The following RASGRP1 variants were observed in gnomAD, a reference collection of about 807,000 sequenced individuals.
The protein encoded by RASGRP1 is RAS guanyl-releasing protein 1.
RASGRP1 carries 37 observed loss-of-function variants against 95.1 expected under a neutral mutation model. That is an observed-to-expected ratio of 0.39 (90% confidence interval 0.30 to 0.51). RASGRP1 has a LOEUF of 0.51. Among genes scored for constraint, RASGRP1 ranks in the 20% least tolerant of loss-of-function variants. RASGRP1 has a pLI of 0.80. For synonymous variants in RASGRP1, 325 were observed against 353.4 expected (o/e 0.92, Z 0.90); for missense variants, 711 against 965.4 (o/e 0.74, Z 3.49).
intron 12 of RASGRP1, 63 bp downstream of exon 12, chr15:38,502,249 T>C (rs1037520826): frequency 8.6e-7 from 1 of 1,168,482 alleles, no homozygotes; most frequent in Non-Finnish European, 1.2e-6. Context: ...TCTAGTGACA[T>C]ACCTATAAAC....
At chr15:38,516,784 A>G (rs1422184895) in intron 5 of RASGRP1, among the ~76,000 whole-genome samples, 4 of 152,048 alleles carry the variant, frequency 2.6e-5, no homozygotes, top group Non-Finnish European at 5.9e-5. Context: ...AACAGTTTTC[A>G]TGCCAGAAAG....
rs1390497343 is a variant in RASGRP1 at position 38,559,989 on chromosome 15, A to G, written c.52T>C (p.Cys18Arg). Residue 18 changes from cysteine (C) to arginine (R), a missense_variant, in exon 2 of 17, where the codon TGC (cysteine) becomes CGC (arginine). Cys to Arg is a radical substitution (Grantham distance 180). Around this residue, in one of 3 missense-constraint regions of RASGRP1, gnomAD observed 491 missense variants for 676.6 expected, o/e 0.73. Transcript: ENST00000310803. ...REAPRKPSHG[C>R]RAASKARLEA... ...AGTCTTGCTTTAGAGGCAGCTCTGC[A>G]GCCATGGGAAGGTTTCCTGGGGAAA... is the stretch of plus-strand genomic sequence containing the variant. 1 of 1,611,994 alleles carries G rather than the reference A, an allele frequency of 6.2e-7. No individual in the cohort carries two copies. The highest frequency in any genetic ancestry group is 1.7e-5 in the Admixed American group (1 of 59,768).
At chr15:38,513,480 T>C (rs552000497) in intron 6 of RASGRP1, among the ~76,000 whole-genome samples, 5 of 152,196 alleles carry the variant, frequency 3.3e-5, no homozygotes, top group Admixed American at 2.6e-4. Flanking sequence ...GTGTTACATA[T>C]ATGTAAGGTT....
intron 3 of RASGRP1, chr15:38,523,920 C>CA (rs1224010191): frequency 6.6e-6 from 1 of 152,364 alleles, no homozygotes; most frequent in Non-Finnish European, 1.5e-5. Flanking sequence ...CACACAATGA[C>CA]AGAGTCGCCC....
chr15:38,513,488 G>A (rs1006647819), intron 6 of RASGRP1, among the ~76,000 whole-genome samples: 2 of 152,164 alleles, frequency 1.3e-5, no homozygotes, highest in African/African-American at 4.8e-5. Flanking sequence ...TATATGTAAG[G>A]TTGCGCTAAT....
chr15:38,500,211 T>A, intron 13 of RASGRP1, 72 bp from the exon 14 acceptor site: 1 of 1,497,718 alleles, frequency 6.7e-7, no homozygotes. Context: ...GTGACATTCC[T>A]TTATTTTCCT....
rs1225719348 is a variant in RASGRP1, at chr15:38,518,426, A to G, written c.390-3T>C. ...CCCAGAATTCTGTTATCCAATACCT[A>G]CAAGGAGGGGGTTAAAAAACACAAT... is the stretch of plus-strand genomic sequence containing the variant. On this transcript the variant is annotated splice_region_variant and splice_polypyrimidine_tract_variant and intron_variant, in intron 4 of 16. Coordinates refer to ENST00000310803, the MANE Select transcript of RASGRP1 (RefSeq NM_005739.4). 5.0e-6 allele frequency: 8 copies of G among 1,599,290 alleles called. No homozygotes were observed. The Admixed American group carries it at 6.9e-5, about 14-fold the overall frequency.
At chr15:38,510,994 A>G (rs561855703) in intron 8 of RASGRP1, among the ~76,000 whole-genome samples, 1 of 152,338 alleles carries the variant, frequency 6.6e-6, no homozygotes, top group African/African-American at 2.4e-5. Flanking sequence ...AAACAGCCCT[A>G]TGTCATAAAA....
rs780811883 is a variant in RASGRP1 at position 38,513,007 on chromosome 15, C to G, written c.676-51G>C. On this transcript the variant is annotated intron_variant, in intron 6 of 16. Coordinates refer to ENST00000310803, the MANE Select transcript of RASGRP1 (RefSeq NM_005739.4). ...AAAAAAAACCTATCAGTACTGTACTCTGGTATTCCAGAAGATTTAAGGGAC... is the reference window on the plus strand; with the variant it reads ...AAAAAAAACCTATCAGTACTGTACTGTGGTATTCCAGAAGATTTAAGGGAC... 126 of 1,410,194 alleles carry G rather than the reference C, an allele frequency of 8.9e-5. No homozygotes were observed. The Admixed American group carries it at 2.3e-3, about 26-fold the overall frequency. The allele number at this position is 1,410,194 out of a possible 1,614,324, so 87.4% of individuals were successfully genotyped here.
chr15:38,516,138 T>C (rs1201735412), intron 6 of RASGRP1, 59 bp downstream of exon 6: 2 of 1,511,666 alleles, frequency 1.3e-6, no homozygotes, highest in African/African-American at 2.8e-5. Context: ...TGTTGAATTA[T>C]CATCTTATTT....
chr15:38,506,495 C>T (rs780770847), intron 9 of RASGRP1, among the ~76,000 whole-genome samples: 23 of 151,940 alleles, frequency 1.5e-4, no homozygotes, highest in Non-Finnish European at 2.8e-4. Flanking sequence ...GTTAACCGGG[C>T]GTGGTGGCGT....
In RASGRP1 at chr15:38,539,548, GTTT is replaced by G. The variant is rs5812044; in HGVS notation, c.221-13147_221-13145del. Reference sequence around the variant, plus strand: ...ATATCTACCACAGTCCTGCATTGCCGTTTTTTTTTTTGTTTTTATTTATTTATT... The same window carrying G: ...ATATCTACCACAGTCCTGCATTGCCGTTTTTTTTGTTTTTATTTATTTATT... On this transcript the variant is annotated intron_variant, in intron 2 of 16. Coordinates refer to ENST00000310803, the MANE Select transcript of RASGRP1 (RefSeq NM_005739.4). 2.9e-3 allele frequency among the ~76,000 whole-genome samples: 432 copies of G among 148,568 alleles called. 6 individuals carry two copies. The highest frequency in any genetic ancestry group is 0.01 in the African/African-American group (415 of 40,788).
rs1891066391 is a variant in RASGRP1 at position 38,502,351 on chromosome 15, G to A, written c.1499C>T (p.Ala500Val). Residue 500 changes from alanine to valine, a missense_variant, in exon 12 of 17, where the codon GCG becomes GTG. Transcript: ENST00000310803. ...ISQEEFEKIA[A>V]SFPFSFCVMD... The stretch of plus-strand genomic sequence containing the variant: ...CACACAGAAGGAAAATGGAAAACTC[G>A]CAGCAATCTTTTCAAATTCTTCCTG... 3 of 1,603,734 alleles carry A rather than the reference G, an allele frequency of 1.9e-6. No individual in the cohort carries two copies. The highest frequency in any genetic ancestry group is 2.6e-6 in the Non-Finnish European group (3 of 1,170,764).
At chr15:38,535,098 T>C (rs992255805) in intron 2 of RASGRP1, among the ~76,000 whole-genome samples, 1 of 152,128 alleles carries the variant, frequency 6.6e-6, no homozygotes, top group Non-Finnish European at 1.5e-5. Context: ...ACATTTGCAT[T>C]GTACAGCAGC....
Position 38,512,833 on chromosome 15 carries a change from T to A in RASGRP1, c.799A>T (p.Thr267Ser), listed in dbSNP as rs750445245. The A allele has an allele frequency of 7.4e-6, 12 of 1,613,576 alleles. No individual in the cohort carries two copies. Among genetic ancestry groups the A allele is most frequent in the Non-Finnish European group, 1.0e-5 (12 of 1,179,772 alleles). The change falls in exon 7 of 17, where the codon ACG becomes TCG. Residue 267 changes from threonine to serine, a missense_variant. This residue lies in a region of RASGRP1 where 491 missense variants were observed against 676.6 expected (regional missense o/e 0.73). Coordinates refer to ENST00000310803, the MANE Select transcript of RASGRP1 (RefSeq NM_005739.4). ...AAGACTTCTGCTCGGAGCTGCGGCG[T>A]GGGGCGGCTGAGAACCATCAGTTGT... ...WVQLMVLSRP[T>S]PQLRAEVFIK...
chr15:38,490,754 G>T, intron 16 of RASGRP1, 66 bp from the exon 17 acceptor site: 1 of 1,476,812 alleles, frequency 6.8e-7, no homozygotes, highest in Non-Finnish European at 9.2e-7. Flanking sequence ...ATTACAAATT[G>T]AGAGCTACTT....
chr15:38,499,632 G>C (rs952590876), intron 14 of RASGRP1, among the ~76,000 whole-genome samples: 7 of 152,224 alleles, frequency 4.6e-5, no homozygotes, highest in African/African-American at 1.7e-4. Flanking sequence ...ACTATGCTGA[G>C]AAGTTGTGGA....
chr15:38,502,070 G>A (rs987743826), intron 12 of RASGRP1, among the ~76,000 whole-genome samples: 3 of 152,136 alleles, frequency 2.0e-5, no homozygotes, highest in Admixed American at 6.5e-5. Context: ...GGCCAGGTTG[G>A]TCTCGAACTC....
chr15:38,557,433 G>A (rs1893608064), intron 2 of RASGRP1, among the ~76,000 whole-genome samples: 1 of 152,136 alleles, frequency 6.6e-6, no homozygotes. Context: ...TTACCTTACT[G>A]ACTTCCCGCA....
Sources: allele counts gnomAD v4.1 joint callset (sites outside exome capture counted in the v4.1 genomes callset), GRCh38; gene constraint gnomAD v4.1.1; regional missense constraint gnomAD v4.1.1; transcripts MANE v1.5; gene names NCBI Gene and HGNC (gene_info 2026-07-23, HGNC 2026-07-21).